Variants in KIAA0825 observed in about 807,000 individuals in gnomAD.
KIAA0825 encodes KIAA0825.
KIAA0825 carries 119 observed loss-of-function variants against 147.6 expected under a neutral mutation model. The observed-to-expected ratio is 0.81, with a 90% CI of 0.69 to 0.94. KIAA0825 has a LOEUF of 0.94. Ranked by LOEUF, KIAA0825 falls within the 40% of genes least tolerant of loss-of-function variation. KIAA0825 has a pLI of 0.00. For synonymous variants in KIAA0825, 470 were observed against 518.1 expected, an observed-to-expected ratio of 0.91 and a Z score of 1.26; for missense variants, 1,381 against 1,472.7, an observed-to-expected ratio of 0.94 and a Z score of 1.02.
intron 20 of KIAA0825, among the ~76,000 whole-genome samples, chr5:94,210,981 A>G (rs1479346078): frequency 1.3e-5 from 2 of 152,170 alleles, no homozygotes; most frequent in Non-Finnish European, 2.9e-5. Context: ...TCCAAAACTA[A>G]GCAATTTTTA....
intron 20 of KIAA0825, among the ~76,000 whole-genome samples, chr5:94,236,680 C>T (rs949541636): frequency 4.6e-5 from 7 of 152,116 alleles, no homozygotes; most frequent in Admixed American, 4.6e-4. Context: ...ATGTGACAAA[C>T]TTCATTGTTC....
At chr5:94,530,553 A>T (rs1377574337) in intron 3 of KIAA0825, among the ~76,000 whole-genome samples, 1 of 152,112 alleles carries the variant, frequency 6.6e-6, no homozygotes, top group Non-Finnish European at 1.5e-5. Flanking sequence ...TAATTATGGC[A>T]TTCTAGAATT....
intron 20 of KIAA0825, among the ~76,000 whole-genome samples, chr5:94,259,907 A>G (rs1374096219): frequency 6.6e-6 from 1 of 152,016 alleles, no homozygotes; most frequent in South Asian, 2.1e-4. Context: ...TTAATGGGCC[A>G]TGTGGCTGAA....
Position 94,553,664 on chromosome 5 carries a change from G to A in KIAA0825, c.-1-16537C>T, listed in dbSNP as rs144575383. Among the ~76,000 whole-genome samples, 1,407 of 151,800 alleles carry A rather than the reference G, an allele frequency of 9.3e-3. 30 individuals are homozygous for A. The highest frequency in any genetic ancestry group is 0.033 in the African/African-American group (1,348 of 41,396). ...GCCTGTAATCCCAGCTACTCAGGAG[G>A]CTGAGGCAGGAGAATTGCTTGAACC... On this transcript the variant is annotated intron_variant, in intron 2 of 20. Transcript: ENST00000682413.
chr5:94,491,026 T>C (rs4367286), intron 5 of KIAA0825, among the ~76,000 whole-genome samples: 9,111 of 152,092 alleles, frequency 0.06, 906 homozygotes, highest in African/African-American at 0.21. Flanking sequence ...GAATTCTTAT[T>C]AATAATAGTG....
intron 20 of KIAA0825, among the ~76,000 whole-genome samples, chr5:94,320,989 T>G (rs2150244179): frequency 6.6e-6 from 1 of 152,198 alleles, no homozygotes; most frequent in Non-Finnish European, 1.5e-5. Flanking sequence ...GACAAATTCT[T>G]TACTCTTATA....
chr5:94,285,212 T>G (rs1032049802), intron 20 of KIAA0825, among the ~76,000 whole-genome samples: 1 of 152,138 alleles, frequency 6.6e-6, no homozygotes, highest in Non-Finnish European at 1.5e-5. Context: ...GTAAAGGTAT[T>G]AAAGGCAAGT....
intron 20 of KIAA0825, among the ~76,000 whole-genome samples, chr5:94,297,824 G>C (rs966025862): frequency 6.6e-6 from 1 of 151,136 alleles, no homozygotes; most frequent in Admixed American, 6.6e-5. Flanking sequence ...TCAAACTCCT[G>C]ACCTCAAGTG....
At chr5:94,290,262 C>T (rs941030359) in intron 20 of KIAA0825, among the ~76,000 whole-genome samples, 2 of 152,048 alleles carry the variant, frequency 1.3e-5, no homozygotes, top group African/African-American at 2.4e-5. Context: ...TTAGGTATTT[C>T]TCCTAATGCT....
intron 13 of KIAA0825, 87 bp from the exon 14 acceptor site, chr5:94,440,208 C>G (rs1206063218): frequency 1.6e-6 from 2 of 1,261,710 alleles, no homozygotes; most frequent in Non-Finnish European, 1.1e-6. Context: ...AATGCTAACT[C>G]CTTTAAATGT....
At chr5:94,250,707 A>G (rs1583963668) in intron 20 of KIAA0825, among the ~76,000 whole-genome samples, 1 of 152,148 alleles carries the variant, frequency 6.6e-6, no homozygotes, top group South Asian at 2.1e-4. Context: ...GGTTCTGGCT[A>G]GAGAGTTGGC....
chr5:94,271,340 TGA>T (rs573858124), intron 20 of KIAA0825, among the ~76,000 whole-genome samples: 18 of 152,100 alleles, frequency 1.2e-4, no homozygotes, highest in Admixed American at 2.6e-4. Flanking sequence ...ACCCACAGAA[TGA>T]GAGAAAATAT....
chr5:94,519,276 T>C (rs946479468), intron 5 of KIAA0825: 55 of 901,062 alleles, frequency 6.1e-5, no homozygotes, highest in Non-Finnish European at 7.2e-5. Context: ...ATAGGAATTT[T>C]AAAAAGATGA....
intron 5 of KIAA0825, among the ~76,000 whole-genome samples, chr5:94,494,841 A>C (rs1398002026): frequency 6.6e-6 from 1 of 152,202 alleles, no homozygotes; most frequent in African/African-American, 2.4e-5. Flanking sequence ...TCATTTTTTA[A>C]AGGAATATGC....
At chr5:94,268,404 A>G (rs1416280036) in intron 20 of KIAA0825, among the ~76,000 whole-genome samples, 1 of 152,140 alleles carries the variant, frequency 6.6e-6, no homozygotes, top group African/African-American at 2.4e-5. Context: ...AAGTGGGGCA[A>G]CTGCAAGAGG....
intron 20 of KIAA0825, among the ~76,000 whole-genome samples, chr5:94,364,273 C>G (rs941441436): frequency 6.6e-6 from 1 of 151,450 alleles, no homozygotes; most frequent in Non-Finnish European, 1.5e-5. Context: ...CTTCGACGGG[C>G]AGAGTAGGGG....
intron 2 of KIAA0825, among the ~76,000 whole-genome samples, chr5:94,543,154 AG>A (rs1325619179): frequency 6.6e-6 from 1 of 152,206 alleles, no homozygotes; most frequent in Admixed American, 6.5e-5. Flanking sequence ...GCTTTAAAAA[AG>A]TCTTGAGGTC....
intron 18 of KIAA0825, among the ~76,000 whole-genome samples, chr5:94,389,449 G>A (rs540273709): frequency 5.3e-5 from 8 of 152,100 alleles, no homozygotes; most frequent in Non-Finnish European, 1.2e-4. Context: ...ACAACATCAT[G>A]GTCAGGGCCT....
At chr5:94,368,584 G>A (rs1165509255) in intron 20 of KIAA0825, among the ~76,000 whole-genome samples, 1 of 152,214 alleles carries the variant, frequency 6.6e-6, no homozygotes, top group Non-Finnish European at 1.5e-5. Flanking sequence ...ACAGGCTCTG[G>A]AGGCATGAGC....
Sources: allele counts gnomAD v4.1 joint callset (sites outside exome capture counted in the v4.1 genomes callset), GRCh38; gene constraint gnomAD v4.1.1; transcripts MANE v1.5; gene names NCBI Gene and HGNC (gene_info 2026-07-23, HGNC 2026-07-21).